SCN11A: variants seen among roughly 807,000 people sequenced by gnomAD.
SCN11A encodes the protein sodium voltage-gated channel alpha subunit 11, also known as sodium channel protein type 11 subunit alpha.
In SCN11A, 122 loss-of-function variants were observed where a neutral mutation model predicts 162.2. That is an observed-to-expected ratio of 0.75 (90% CI 0.65 to 0.87). The LOEUF (loss-of-function observed/expected upper bound fraction) is 0.87, where lower values mean the gene tolerates loss of function less well. SCN11A is among the 40% of genes least tolerant of loss of function. The probability of loss-of-function intolerance (pLI) is 0.00; values close to 1 mark genes in which losing one functional copy is unlikely to be tolerated. For missense variants in SCN11A, 2,015 were observed against 2,181.6 expected (o/e 0.92, Z 1.52); for synonymous variants, 758 against 751.5 (o/e 1.01, Z -0.14).
At chr3:39,019,087 C>G (rs1047582763) in intron 2 of SCN11A, among the ~76,000 whole-genome samples, 8 of 152,142 alleles carry the variant, frequency 5.3e-5, no homozygotes, top group Admixed American at 2.0e-4. Flanking sequence ...GATAGAGAAG[C>G]CTGAATTCTG....
At chr3:38,896,549 C>T (rs1042300403) in intron 18 of SCN11A, among the ~76,000 whole-genome samples, 2 of 152,216 alleles carry the variant, frequency 1.3e-5, no homozygotes, top group African/African-American at 4.8e-5. Context: ...ACCAAATTAA[C>T]TCACTAACTC....
At chr3:38,956,812 T>A (rs1338300186) in intron 3 of SCN11A, among the ~76,000 whole-genome samples, 1 of 152,058 alleles carries the variant, frequency 6.6e-6, no homozygotes, top group South Asian at 2.1e-4. Flanking sequence ...AGAGAAAAAG[T>A]GAAGGGAAGA....
At chr3:38,880,643 T>TACAAA (rs1259462563) in intron 22 of SCN11A, among the ~76,000 whole-genome samples, 1 of 152,194 alleles carries the variant, frequency 6.6e-6, no homozygotes, top group African/African-American at 2.4e-5. Context: ...TCCATTTACC[T>TACAAA]TACCATTCCC....
chr3:38,963,386 T>TATATA, intron 2 of SCN11A, among the ~76,000 whole-genome samples: 1 of 63,018 alleles, frequency 1.6e-5, no homozygotes, highest in Non-Finnish European at 2.7e-5. Flanking sequence ...TATATATATA[T>TATATA]GATGGAGATA....
rs1316248205 is a variant in SCN11A, at chr3:39,051,919, T to C, written c.-462A>G. 9 of 1,389,896 alleles carry C rather than the reference T, an allele frequency of 6.5e-6. No individual in the cohort carries two copies. The highest frequency in any genetic ancestry group is 9.1e-6 in the Non-Finnish European group (9 of 988,812). 86.1% of individuals were successfully genotyped at this position (1,389,896 alleles called of 1,614,324 possible). On this transcript the variant is annotated 5_prime_UTR_variant, in exon 1 of 30. Transcript: ENST00000302328. ...ACAGCACCGAGGAAACACAACAGCC[T>C]GTTTACCTTCAGCCCCGCCACTAAC...
intron 1 of SCN11A, among the ~76,000 whole-genome samples, chr3:39,050,152 T>C (rs1271074171): frequency 6.6e-6 from 1 of 152,226 alleles, no homozygotes; most frequent in Admixed American, 6.5e-5. Context: ...CTGCTGGGTA[T>C]GGCCTCTGCA....
rs559245279 is a variant in SCN11A, at chr3:38,915,364, C to T, written c.959+4571G>A. On this transcript the variant is annotated intron_variant, in intron 11 of 29. Coordinates refer to ENST00000302328, the MANE Select transcript of SCN11A (RefSeq NM_001349253.2). ...TATTTTTTGTCTTCTGCTAGCTTTG[C>T]TCTTGCTTCTCTAACTCTTTCCATT... Among the ~76,000 whole-genome samples the T allele has an allele frequency of 1.4e-4, 22 of 152,006 alleles. No homozygotes were observed. In the South Asian group the frequency reaches 4.4e-3, roughly 30 times the overall value.
chr3:39,049,837 C>A (rs2032279638), intron 1 of SCN11A, among the ~76,000 whole-genome samples: 2 of 152,194 alleles, frequency 1.3e-5, no homozygotes, highest in Admixed American at 1.3e-4. Context: ...CCTTCACAAA[C>A]TGGCCAAAAA....
Position 38,905,337 on chromosome 3 carries a change from T to C in SCN11A, c.1474-16A>G, listed in dbSNP as rs1396333275. 3.1e-6 allele frequency: 5 copies of C among 1,608,788 alleles called. No homozygotes were observed. The highest frequency in any genetic ancestry group is 2.5e-6 in the Non-Finnish European group (3 of 1,176,942). The stretch of plus-strand genomic sequence containing the variant: ...GGAGCTGTGGCTGTAAGAGAAGGCA[T>C]AGGGCACCTTCTAAAGACAGGGGCT... On this transcript the variant is annotated splice_polypyrimidine_tract_variant and intron_variant, in intron 14 of 29. Coordinates refer to ENST00000302328, the MANE Select transcript of SCN11A (RefSeq NM_001349253.2).
At chr3:38,961,781 A>G (rs1051363592) in intron 2 of SCN11A, among the ~76,000 whole-genome samples, 2 of 152,188 alleles carry the variant, frequency 1.3e-5, no homozygotes, top group African/African-American at 2.4e-5. Flanking sequence ...GATTCTGGAT[A>G]TTAGACCTTT....
chr3:38,965,133 A>G (rs1376649773), intron 2 of SCN11A, among the ~76,000 whole-genome samples: 1 of 152,246 alleles, frequency 6.6e-6, no homozygotes, highest in Admixed American at 6.5e-5. Context: ...CACTTCCTCC[A>G]GGGTTCTAAT....
chr3:38,915,258 T>G (rs1049796685), intron 11 of SCN11A, among the ~76,000 whole-genome samples: 16 of 152,114 alleles, frequency 1.1e-4, no homozygotes, highest in Non-Finnish European at 2.4e-4. Context: ...TTTTAGCAGT[T>G]TTTAATGGTT....
intron 26 of SCN11A, among the ~76,000 whole-genome samples, chr3:38,868,293 T>A (rs570171143): frequency 1.1e-4 from 17 of 152,352 alleles, no homozygotes; most frequent in Non-Finnish European, 2.4e-4. Flanking sequence ...ATGAAGGTAA[T>A]TATTTGAAAA....
intron 26 of SCN11A, among the ~76,000 whole-genome samples, chr3:38,868,512 T>G (rs550811561): frequency 3.9e-5 from 6 of 152,256 alleles, no homozygotes; most frequent in Admixed American, 2.0e-4. Flanking sequence ...ATGTCTGTAC[T>G]CCTTCATGTC....
chr3:38,875,339 T>C (rs888016701), intron 23 of SCN11A, among the ~76,000 whole-genome samples: 1 of 152,206 alleles, frequency 6.6e-6, no homozygotes, highest in Non-Finnish European at 1.5e-5. Flanking sequence ...TTCCTTCTTT[T>C]GTCTATTCTT....
At chr3:38,994,026 C>G (rs2125595299) in intron 2 of SCN11A, among the ~76,000 whole-genome samples, 1 of 152,332 alleles carries the variant, frequency 6.6e-6, no homozygotes, top group South Asian at 2.1e-4. Context: ...TTAGCATACT[C>G]TACATGGACT....
At chr3:39,034,509 C>A (rs976210048) in intron 1 of SCN11A, among the ~76,000 whole-genome samples, 1 of 152,168 alleles carries the variant, frequency 6.6e-6, no homozygotes, top group African/African-American at 2.4e-5. Flanking sequence ...AGACTAAATG[C>A]AGAAGAACTG....
chr3:38,969,378 C>T (rs183943803), intron 2 of SCN11A, among the ~76,000 whole-genome samples: 156 of 152,320 alleles, frequency 1.0e-3, no homozygotes, highest in African/African-American at 3.5e-3. Flanking sequence ...GGGGCAGCAC[C>T]ACCAAGCACA....
chr3:38,872,085 C>T, intron 24 of SCN11A, 108 bp downstream of exon 24: 2 of 757,156 alleles, frequency 2.6e-6, no homozygotes, highest in South Asian at 1.6e-5. Context: ...TGGGAAGTAA[C>T]CCAGGAAAAG....
Sources: allele counts gnomAD v4.1 joint callset (sites outside exome capture counted in the v4.1 genomes callset), GRCh38; gene constraint gnomAD v4.1.1; transcripts MANE v1.5; gene names NCBI Gene and HGNC (gene_info 2026-07-23, HGNC 2026-07-21).